Variants in THSD7B observed in about 807,000 individuals in gnomAD.
The protein encoded by THSD7B is thrombospondin type 1 domain containing 7B, also known as thrombospondin type-1 domain-containing protein 7B.
Under a neutral mutation model 213.6 loss-of-function variants are expected in THSD7B, and 138 were observed. The ratio of observed to expected loss-of-function variants is 0.65; its 90% CI spans 0.56 to 0.74. THSD7B has a LOEUF of 0.74. THSD7B is among the 30% of genes least tolerant of loss of function. The probability of loss-of-function intolerance (pLI) is 0.00; values close to 1 mark genes in which losing one functional copy is unlikely to be tolerated. For synonymous variants in THSD7B, 742 were observed against 687.0 expected, an observed-to-expected ratio of 1.08 and a Z score of -1.25; for missense variants, 1,931 against 1,991.5, an observed-to-expected ratio of 0.97 and a Z score of 0.58.
At chr2:137,004,296 T>TACACACACACAC (rs34674642) in intron 2 of THSD7B, among the ~76,000 whole-genome samples, 3 of 131,490 alleles carry the variant, frequency 2.3e-5, no homozygotes, top group Non-Finnish European at 3.2e-5. Context: ...TGTGCACACG[T>TACACACACACAC]ACACACACAC....
At chr2:137,555,873 GGCATGAGAACTACGTGACGAAT>G (rs1680951146) in intron 15 of THSD7B, among the ~76,000 whole-genome samples, 1 of 152,270 alleles carries the variant, frequency 6.6e-6, no homozygotes, top group African/African-American at 2.4e-5. Flanking sequence ...TGAAAACCAT[GGCATGAGAACTACGTGACGAAT>G]GCACAAGCTT....
intron 17 of THSD7B, among the ~76,000 whole-genome samples, chr2:137,612,948 T>A (rs1165296597): frequency 6.6e-6 from 1 of 152,146 alleles, no homozygotes; most frequent in Admixed American, 6.5e-5. Flanking sequence ...GGCAGAACCT[T>A]CCCAGCTACT....
intron 5 of THSD7B, among the ~76,000 whole-genome samples, chr2:137,117,792 C>A (rs1688470564): frequency 6.6e-6 from 1 of 152,106 alleles, no homozygotes; most frequent in African/African-American, 2.4e-5. Context: ...CATATAATTT[C>A]TAGATGCCAT....
intron 12 of THSD7B, among the ~76,000 whole-genome samples, chr2:137,359,786 T>C (rs1299670916): frequency 6.6e-6 from 1 of 152,198 alleles, no homozygotes; most frequent in Non-Finnish European, 1.5e-5. Flanking sequence ...TCTTTTAAGA[T>C]TCTGTCTATA....
At chr2:137,432,325 A>G (rs1179833786) in intron 14 of THSD7B, among the ~76,000 whole-genome samples, 1 of 152,226 alleles carries the variant, frequency 6.6e-6, no homozygotes, top group African/African-American at 2.4e-5. Context: ...TGGGAGTCGG[A>G]GGTTGCAGTC....
chr2:136,974,693 G>A (rs1685451987), intron 2 of THSD7B, among the ~76,000 whole-genome samples: 1 of 152,134 alleles, frequency 6.6e-6, no homozygotes, highest in Non-Finnish European at 1.5e-5. Flanking sequence ...AGAATGATTT[G>A]TATTCCTTCA....
intron 10 of THSD7B, among the ~76,000 whole-genome samples, chr2:137,257,491 A>G (rs1302724158): frequency 6.6e-6 from 1 of 152,190 alleles, no homozygotes; most frequent in Non-Finnish European, 1.5e-5. Flanking sequence ...AAGTCCCCAC[A>G]TTCCCATCTC....
chr2:137,298,502 C>G (rs1328941127), intron 12 of THSD7B, among the ~76,000 whole-genome samples: 15 of 152,140 alleles, frequency 9.9e-5, no homozygotes, highest in Non-Finnish European at 4.4e-5. Flanking sequence ...ATGTTAATCC[C>G]TGAGACCATG....
At chr2:137,127,843 G>A (rs555326570) in intron 5 of THSD7B, among the ~76,000 whole-genome samples, 7 of 152,108 alleles carry the variant, frequency 4.6e-5, no homozygotes, top group East Asian at 1.9e-4. Context: ...GCTTGAACCC[G>A]GGAGGCGGAG....
chr2:136,879,883 T>C (rs1456083106), intron 1 of THSD7B, among the ~76,000 whole-genome samples: 1 of 152,106 alleles, frequency 6.6e-6, no homozygotes, highest in East Asian at 1.9e-4. Flanking sequence ...CATTACATAA[T>C]GGTAAAGGGA....
At chr2:137,069,831 G>A (rs1351258675) in intron 3 of THSD7B, among the ~76,000 whole-genome samples, 1 of 150,714 alleles carries the variant, frequency 6.6e-6, no homozygotes, top group Non-Finnish European at 1.5e-5. Flanking sequence ...GATTTCTACT[G>A]TAAACATATA....
chr2:137,462,462 A>G (rs1312724637), intron 15 of THSD7B, among the ~76,000 whole-genome samples: 1 of 152,086 alleles, frequency 6.6e-6, no homozygotes, highest in Non-Finnish European at 1.5e-5. Context: ...TAGTTCACCA[A>G]TGCATAGCCA....
At chr2:137,645,039 A>C (rs1339092857) in intron 21 of THSD7B, among the ~76,000 whole-genome samples, 1 of 152,160 alleles carries the variant, frequency 6.6e-6, no homozygotes, top group Non-Finnish European at 1.5e-5. Flanking sequence ...GGAGTCTAGC[A>C]GCCCTAATTT....
At chr2:136,826,267 G>T (rs1240354672) in intron 1 of THSD7B, among the ~76,000 whole-genome samples, 1 of 152,210 alleles carries the variant, frequency 6.6e-6, no homozygotes, top group Non-Finnish European at 1.5e-5. Context: ...CCCAGGATTA[G>T]CATTGAGAGG....
Position 137,411,884 on chromosome 2 carries a change from G to T in THSD7B, c.2959+12G>T. Reference sequence around the variant, plus strand: ...CTGCAGCAGCTCTGGTAAGGAGATGGATGGAGAGTAACAGATGAGAACACT... The same window carrying T: ...CTGCAGCAGCTCTGGTAAGGAGATGTATGGAGAGTAACAGATGAGAACACT... On this transcript the variant is annotated intron_variant, in intron 14 of 27. Coordinates refer to ENST00000409968, the MANE Select transcript of THSD7B (RefSeq NM_001316349.2). 1 of 1,613,568 alleles carries T rather than the reference G, an allele frequency of 6.2e-7. No homozygotes were observed.
At chr2:136,791,779 A>T (rs1455718392) in intron 1 of THSD7B, among the ~76,000 whole-genome samples, 1 of 151,894 alleles carries the variant, frequency 6.6e-6, no homozygotes, top group African/African-American at 2.4e-5. Flanking sequence ...ACCACGTTTT[A>T]TTTGTCAGTT....
At chr2:137,644,920 C>G (rs1285430856) in intron 21 of THSD7B, among the ~76,000 whole-genome samples, 1 of 152,142 alleles carries the variant, frequency 6.6e-6, no homozygotes, top group African/African-American at 2.4e-5. Flanking sequence ...AGTATTTATC[C>G]TCAGGCATCA....
At position 137,587,308 on chromosome 2, in the gene THSD7B, C is replaced by T. The variant is rs191643477; in HGVS notation, c.3423+14752C>T. ...TTCCTCCTTTAGCTCGGAGAAGTTT[C>T]GTTGTCTGAAGCCTTCTTCTGTCAA... On this transcript the variant is annotated intron_variant, in intron 17 of 27. Transcript: ENST00000409968. Among the ~76,000 whole-genome samples the T allele has an allele frequency of 5.9e-3, 900 of 152,042 alleles. 9 individuals carry two copies. Among genetic ancestry groups the T allele is most frequent in the African/African-American group, 0.021 (856 of 41,528 alleles).
chr2:136,807,663 G>C (rs376468651), intron 1 of THSD7B, among the ~76,000 whole-genome samples: 3,427 of 151,744 alleles, frequency 0.023, 46 homozygotes, highest in South Asian at 0.084. Context: ...CCCGCCACCA[G>C]GCCTGGCTAA....
Sources: gnomAD v4.1 joint callset for allele counts (sites outside exome capture counted in the v4.1 genomes callset) on GRCh38, gnomAD v4.1.1 for gene constraint, MANE v1.5 for transcripts, NCBI Gene and HGNC (gene_info 2026-07-23, HGNC 2026-07-21) for gene names.